Variants in USP25 observed in about 807,000 individuals in gnomAD.
USP25 encodes ubiquitin specific peptidase 25, also known as ubiquitin carboxyl-terminal hydrolase 25.
A neutral mutation model predicts 158.5 loss-of-function variants in USP25; 85 were observed. The ratio of observed to expected loss-of-function variants is 0.54; its 90% CI spans 0.45 to 0.64. USP25 has a LOEUF of 0.64. Ranked by LOEUF, USP25 falls within the 30% of genes least tolerant of loss-of-function variation. USP25 has a pLI of 0.00. For synonymous variants in USP25, 464 were observed against 460.4 expected, an observed-to-expected ratio of 1.01 and a Z score of -0.10; for missense variants, 1,242 against 1,327.3, an observed-to-expected ratio of 0.94 and a Z score of 1.00.
At chr21:15,869,385 T>C (rs1249075588) in intron 22 of USP25, among the ~76,000 whole-genome samples, 1 of 152,186 alleles carries the variant, frequency 6.6e-6, no homozygotes, top group Non-Finnish European at 1.5e-5. Context: ...TATCCTACAT[T>C]GAATTTCAGT....
intron 6 of USP25, among the ~76,000 whole-genome samples, chr21:15,803,859 T>A (rs936126290): frequency 6.6e-6 from 1 of 151,930 alleles, no homozygotes; most frequent in East Asian, 1.9e-4. Flanking sequence ...TTTTTTGGAA[T>A]CTATTCTAGA....
chr21:15,859,969 G>GTA (rs1407045662), intron 20 of USP25, among the ~76,000 whole-genome samples: 4,796 of 138,344 alleles, frequency 0.035, 221 homozygotes, highest in African/African-American at 0.1. Context: ...ATATATATAT[G>GTA]TATATATATA....
At chr21:15,753,679 A>T (rs1278574400) in intron 1 of USP25, among the ~76,000 whole-genome samples, 1 of 149,026 alleles carries the variant, frequency 6.7e-6, no homozygotes, top group African/African-American at 2.5e-5. Context: ...TGATATATGT[A>T]TGCTTCTCGT....
Position 15,879,404 on chromosome 21 carries a change from A to G in USP25, c.*929A>G, listed in dbSNP as rs924218989. The stretch of plus-strand genomic sequence containing the variant: ...TGTTTTGCAATATATAAATCATTCT[A>G]TTTTTGTAAATTGTATATCACTTTA... On this transcript the variant is annotated 3_prime_UTR_variant, in exon 26 of 26. Transcript: ENST00000400183. 1 of 152,476 alleles carries G rather than the reference A, an allele frequency of 6.6e-6. No homozygotes were observed. Among genetic ancestry groups the G allele is most frequent in the African/African-American group, 2.4e-5 (1 of 41,428 alleles). The allele number at this position is 152,476 out of a possible 1,614,324, so 9.4% of individuals were successfully genotyped here. A position where few individuals can be genotyped will look rare whatever the true frequency, so the allele number is the denominator to read the frequency against.
In USP25 at chr21:15,833,428, G is replaced by A; in HGVS notation, c.2074G>A (p.Asp692Asn). ...PPDLRDFVEE[D>N]NQRFEKELEE... The stretch of plus-strand genomic sequence containing the variant: ...GGATTTGAGAGATTTTGTTGAGGAA[G>A]ACAACCAACGATTTGAAAAAGAACT... Residue 692 changes from aspartate (D) to asparagine (N), a missense_variant, in exon 17 of 26, where the codon GAC becomes AAC. Physicochemically the swap from Asp to Asn is conservative, Grantham distance 23 (BLOSUM62 1). Around this residue, in one of 3 missense-constraint regions of USP25, gnomAD observed 608 missense variants for 605.2 expected, o/e 1.00. Coordinates refer to ENST00000400183, the MANE Select transcript of USP25 (RefSeq NM_001283041.3). 2 of 1,613,994 alleles carry A rather than the reference G, an allele frequency of 1.2e-6. No homozygotes were observed. Among genetic ancestry groups the A allele is most frequent in the Non-Finnish European group, 8.5e-7 (1 of 1,179,978 alleles).
intron 20 of USP25, among the ~76,000 whole-genome samples, chr21:15,853,542 T>A (rs982716742): frequency 6.6e-6 from 1 of 152,210 alleles, no homozygotes; most frequent in Non-Finnish European, 1.5e-5. Context: ...TTTATGGATT[T>A]TTTTTGCCAT....
At chr21:15,776,151 G>A (rs1340314628) in intron 3 of USP25, among the ~76,000 whole-genome samples, 1 of 152,032 alleles carries the variant, frequency 6.6e-6, no homozygotes, top group African/African-American at 2.4e-5. Flanking sequence ...CTCATCTTCA[G>A]CTGTGGTCTG....
At chr21:15,772,208 G>A (rs952426955) in intron 3 of USP25, among the ~76,000 whole-genome samples, 1 of 152,232 alleles carries the variant, frequency 6.6e-6, no homozygotes, top group Middle Eastern at 3.4e-3. Flanking sequence ...ATATATTTTG[G>A]AGTTAGCAGA....
chr21:15,776,745 C>T (rs371099165), intron 3 of USP25, among the ~76,000 whole-genome samples: 40 of 151,998 alleles, frequency 2.6e-4, no homozygotes, highest in Admixed American at 2.0e-4. Context: ...GAGGTTGGGG[C>T]GGGAGGATCA....
chr21:15,770,509 A>G (rs140680355), intron 3 of USP25, among the ~76,000 whole-genome samples: 2 of 152,256 alleles, frequency 1.3e-5, no homozygotes, highest in East Asian at 3.9e-4. Context: ...AAAATTGAAA[A>G]ACATAGTAGA....
At chr21:15,825,089 A>T (rs375677481) in intron 12 of USP25, 28 bp downstream of exon 12, 1 of 1,509,074 alleles carries the variant, frequency 6.6e-7, no homozygotes, top group Admixed American at 2.1e-5. Flanking sequence ...AAATTAGGAG[A>T]TAATTATCAG....
At chr21:15,753,277 T>A (rs761965245) in intron 1 of USP25, among the ~76,000 whole-genome samples, 5 of 152,170 alleles carry the variant, frequency 3.3e-5, no homozygotes, top group Non-Finnish European at 5.9e-5. Context: ...TTCACTTGGG[T>A]TCATCTGCAT....
At position 15,874,605 on chromosome 21, in the gene USP25, T is replaced by C; in HGVS notation, c.3009+79T>C. ...TTTTCCAGACTCATATATAAGTGAT[T>C]GACTCCATAAACTCTGAGGGGATAA... On this transcript the variant is annotated intron_variant, in intron 24 of 25. Coordinates refer to ENST00000400183, the MANE Select transcript of USP25 (RefSeq NM_001283041.3). 4 of 1,401,688 alleles carry C rather than the reference T, an allele frequency of 2.9e-6. No individual in the cohort carries two copies. The South Asian group carries it at 4.6e-5, about 16-fold the overall frequency. 86.8% of individuals were successfully genotyped at this position (1,401,688 alleles called of 1,614,324 possible). A position where few individuals can be genotyped will look rare whatever the true frequency, so the allele number is the denominator to read the frequency against.
At chr21:15,873,914 A>ATT (rs144345404) in intron 23 of USP25, among the ~76,000 whole-genome samples, 93 of 149,282 alleles carry the variant, frequency 6.2e-4, no homozygotes, top group Non-Finnish European at 1.0e-3. Flanking sequence ...TCTTATTTCT[A>ATT]TTTTTTTTTT....
intron 3 of USP25, 53 bp from the exon 4 acceptor site, chr21:15,777,851 T>C (rs1600878309): frequency 6.6e-7 from 1 of 1,508,146 alleles, no homozygotes; most frequent in African/African-American, 1.4e-5. Context: ...ATAATAAAAA[T>C]CCTTTCATTT....
rs2039564310 is a variant in USP25, at chr21:15,864,337, C to T, written c.2617C>T (p.Arg873Cys). Residue 873 changes from arginine (R) to cysteine (C), a missense_variant, in exon 21 of 26, where the codon CGT (arginine) becomes TGT (cysteine). Coordinates refer to ENST00000400183, the MANE Select transcript of USP25 (RefSeq NM_001283041.3). ...AGACACCCCACCAGAAACCGATTAT[C>T]GTTTACATCATGTAGTGGTCTACTT... is the stretch of plus-strand genomic sequence containing the variant. ...QEDTPPETDY[R>C]LHHVVVYFIQ... The T allele has an allele frequency of 5.6e-6, 9 of 1,613,356 alleles. No individual in the cohort carries two copies. The highest frequency in any genetic ancestry group is 2.2e-5 in the East Asian group (1 of 44,790).
chr21:15,799,955 A>AT, intron 6 of USP25, 112 bp downstream of exon 6: 2 of 510,726 alleles, frequency 3.9e-6, no homozygotes, highest in South Asian at 6.2e-5. Context: ...GTCAATTTGA[A>AT]TGTCAATTCA....
chr21:15,863,026 T>C (rs1338764241), intron 20 of USP25, among the ~76,000 whole-genome samples: 1 of 151,996 alleles, frequency 6.6e-6, no homozygotes, highest in East Asian at 1.9e-4. Context: ...ATTGAATGGA[T>C]TTTTTGTAAT....
At chr21:15,735,923 T>A (rs1259150203) in intron 1 of USP25, among the ~76,000 whole-genome samples, 1 of 151,942 alleles carries the variant, frequency 6.6e-6, no homozygotes, top group Non-Finnish European at 1.5e-5. Context: ...TAAATTTCAT[T>A]TAGGTTTCTG....
Sources: allele counts gnomAD v4.1 joint callset (sites outside exome capture counted in the v4.1 genomes callset), GRCh38; gene constraint gnomAD v4.1.1; regional missense constraint gnomAD v4.1.1; transcripts MANE v1.5; gene names NCBI Gene and HGNC (gene_info 2026-07-23, HGNC 2026-07-21).